The following RPRD1B variants were observed in gnomAD, a reference collection of about 807,000 sequenced individuals.
RPRD1B encodes the protein regulation of nuclear pre-mRNA domain-containing protein 1B.
Under a neutral mutation model 41.5 loss-of-function variants are expected in RPRD1B, and 11 were observed. The ratio of observed to expected loss-of-function variants is 0.27; its 90% CI spans 0.17 to 0.44. RPRD1B has a LOEUF of 0.44. Among genes scored for constraint, RPRD1B ranks in the 20% least tolerant of loss-of-function variants. The pLI, the probability that RPRD1B is intolerant of heterozygous loss-of-function variation, is 1.00. For missense variants in RPRD1B, 248 were observed against 389.9 expected, an observed-to-expected ratio of 0.64 and a Z score of 3.06; for synonymous variants, 158 against 155.6, an observed-to-expected ratio of 1.02 and a Z score of -0.12.
chr20:38,043,852 GTT>G (rs1330225364), intron 2 of RPRD1B, among the ~76,000 whole-genome samples: 5 of 152,190 alleles, frequency 3.3e-5, no homozygotes, highest in Non-Finnish European at 7.3e-5. Flanking sequence ...GAAATCACGA[GTT>G]TTGTTTTGGC....
rs1363259149 is a variant in RPRD1B at position 38,033,852 on chromosome 20, G to T, written c.-96G>T. 2.4e-6 allele frequency: 3 copies of T among 1,273,340 alleles called. No individual in the cohort carries two copies. Among genetic ancestry groups the T allele is most frequent in the Non-Finnish European group, 3.2e-6 (3 of 937,410 alleles). 78.9% of individuals were successfully genotyped at this position (1,273,340 alleles called of 1,614,324 possible). A position where few individuals can be genotyped will look rare whatever the true frequency, so the allele number is the denominator to read the frequency against. On this transcript the variant is annotated 5_prime_UTR_variant, in exon 1 of 7. Coordinates refer to ENST00000373433, the MANE Select transcript of RPRD1B (RefSeq NM_021215.4). ...AGTCTGTCAGTCGGTAAAAAGTCCC[G>T]CAGCCTGTCAGGTGAGGCCCCGGCC...
intron 2 of RPRD1B, among the ~76,000 whole-genome samples, chr20:38,043,427 A>G (rs1004070620): frequency 8.4e-4 from 128 of 152,246 alleles, no homozygotes; most frequent in Admixed American, 8.2e-3. Context: ...TTTTTTTCTC[A>G]TGGGATGTCA....
At chr20:38,080,668 G>C (rs1306765336) in intron 6 of RPRD1B, among the ~76,000 whole-genome samples, 1 of 152,174 alleles carries the variant, frequency 6.6e-6, no homozygotes, top group Admixed American at 6.5e-5. Flanking sequence ...TGGGATTATA[G>C]GCATGCGTCA....
At chr20:38,048,025 T>C (rs1368986673) in intron 2 of RPRD1B, among the ~76,000 whole-genome samples, 1 of 152,116 alleles carries the variant, frequency 6.6e-6, no homozygotes, top group Non-Finnish European at 1.5e-5. Context: ...GCAGAATGTC[T>C]GGCATTTTAA....
At position 38,035,376 on chromosome 20, in the gene RPRD1B, T is replaced by TGGG. The variant is rs530887196; in HGVS notation, c.151+1280_151+1282dup. On this transcript the variant is annotated intron_variant, in intron 1 of 6. Coordinates refer to ENST00000373433, the MANE Select transcript of RPRD1B (RefSeq NM_021215.4). Reference sequence around the variant, plus strand: ...CAAGTGTTCTATACTATCTGTGAGTTGGGGACACCACAGATGTCCTGCTCT... The same window carrying TGGG: ...CAAGTGTTCTATACTATCTGTGAGTTGGGGGGGACACCACAGATGTCCTGCTCT... 2.7e-3 allele frequency among the ~76,000 whole-genome samples: 408 copies of TGGG among 152,326 alleles called. 1 individual carries two copies. The highest frequency in any genetic ancestry group is 4.4e-3 in the Non-Finnish European group (297 of 68,026).
chr20:38,033,802 C>T lies in RPRD1B; in HGVS notation c.-146C>T, dbSNP rs2073958240. On this transcript the variant is annotated 5_prime_UTR_variant, in exon 1 of 7. Transcript: ENST00000373433. Reference sequence around the variant, plus strand: ...GCGGCTGTTACTGCGGAGACCCATCCCCTCCCCCTTCTCGCACCCCTGGCA... The same window carrying T: ...GCGGCTGTTACTGCGGAGACCCATCTCCTCCCCCTTCTCGCACCCCTGGCA... The T allele has an allele frequency of 3.9e-6, 3 of 762,012 alleles. No homozygotes were observed. The highest frequency in any genetic ancestry group is 6.1e-6 in the Non-Finnish European group (3 of 491,186). The allele number at this position is 762,012 out of a possible 1,614,324, so 47.2% of individuals were successfully genotyped here. A position where few individuals can be genotyped will look rare whatever the true frequency, so the allele number is the denominator to read the frequency against.
intron 2 of RPRD1B, among the ~76,000 whole-genome samples, chr20:38,041,656 G>C (rs907863912): frequency 1.3e-5 from 2 of 152,194 alleles, no homozygotes; most frequent in Non-Finnish European, 2.9e-5. Flanking sequence ...GCTTTGATGA[G>C]ATTTAGTTCA....
chr20:38,059,651 G>A (rs2074277500), intron 5 of RPRD1B, 131 bp downstream of exon 5: 1 of 838,888 alleles, frequency 1.2e-6, no homozygotes, highest in African/African-American at 1.8e-5. Flanking sequence ...TACCATCTTG[G>A]GATTTGCAAA....
intron 5 of RPRD1B, among the ~76,000 whole-genome samples, chr20:38,062,836 C>CCG (rs1321286015): frequency 9.9e-6 from 1 of 100,504 alleles, no homozygotes; most frequent in South Asian, 4.8e-4. Context: ...GAGCCCCCCC[C>CCG]CCTTTTTTTT....
intron 4 of RPRD1B, 42 bp downstream of exon 4, chr20:38,057,686 GT>G: frequency 7.3e-7 from 1 of 1,368,522 alleles, no homozygotes; most frequent in South Asian, 1.2e-5. Context: ...GTGGCTTAAA[GT>G]GACCTCTAGT....
At chr20:38,070,449 AC>A in intron 6 of RPRD1B, 1 of 985,522 alleles carries the variant, frequency 1.0e-6, no homozygotes, top group African/African-American at 1.7e-5. Context: ...GGCCAAAGAT[AC>A]CAGAAAAGCC....
intron 6 of RPRD1B, among the ~76,000 whole-genome samples, chr20:38,069,831 GT>G: frequency 6.6e-6 from 1 of 152,180 alleles, no homozygotes; most frequent in Non-Finnish European, 1.5e-5. Flanking sequence ...TATTAAAATT[GT>G]GAGAGTTATC....
intron 1 of RPRD1B, among the ~76,000 whole-genome samples, chr20:38,038,490 GTTTTTT>G (rs150397040): frequency 3.9e-5 from 3 of 76,758 alleles, no homozygotes; most frequent in African/African-American, 9.6e-5. Context: ...TTTTTGTTTT[GTTTTTT>G]TTTTTTTTTT....
intron 3 of RPRD1B, among the ~76,000 whole-genome samples, chr20:38,055,186 T>A (rs1228913445): frequency 1.3e-5 from 2 of 152,188 alleles, no homozygotes; most frequent in African/African-American, 4.8e-5. Context: ...ACAAAAGAGA[T>A]AATAAACTAA....
intron 1 of RPRD1B, among the ~76,000 whole-genome samples, chr20:38,039,700 G>A (rs1376870892): frequency 1.3e-5 from 2 of 150,832 alleles, no homozygotes; most frequent in Admixed American, 6.6e-5. Context: ...CACCACGCTC[G>A]GCGAAACCAT....
intron 3 of RPRD1B, chr20:38,049,786 T>C (rs1428335088): frequency 2.1e-6 from 1 of 471,100 alleles, no homozygotes; most frequent in Non-Finnish European, 4.4e-6. Flanking sequence ...TCTGCCTGCA[T>C]ACATGTTTCC....
At chr20:38,059,125 A>G (rs1376301449) in intron 4 of RPRD1B, among the ~76,000 whole-genome samples, 1 of 152,218 alleles carries the variant, frequency 6.6e-6, no homozygotes, top group Non-Finnish European at 1.5e-5. Flanking sequence ...GAATTGCCAA[A>G]AACATGTTCT....
At chr20:38,087,720 G>GTTTA (rs2074574919) in intron 6 of RPRD1B, among the ~76,000 whole-genome samples, 1 of 152,174 alleles carries the variant, frequency 6.6e-6, no homozygotes, top group Non-Finnish European at 1.5e-5. Context: ...AAGAAGAAAA[G>GTTTA]TACTTGTGGG....
At position 38,089,955 on chromosome 20, in the gene RPRD1B, C is replaced by A; in HGVS notation, c.*80C>A. 1.3e-6 allele frequency: 2 copies of A among 1,552,936 alleles called. No homozygotes were observed. On this transcript the variant is annotated 3_prime_UTR_variant, in exon 7 of 7. Coordinates refer to ENST00000373433, the MANE Select transcript of RPRD1B (RefSeq NM_021215.4). The stretch of plus-strand genomic sequence containing the variant: ...TCATGGTTGGAAATAACCTTCTAGC[C>A]CCTGGTTCTATCCCTTCTTCCGCCC...
Sources: allele counts gnomAD v4.1 joint callset (sites outside exome capture counted in the v4.1 genomes callset), GRCh38; gene constraint gnomAD v4.1.1; transcripts MANE v1.5; gene names NCBI Gene and HGNC (gene_info 2026-07-23, HGNC 2026-07-21).